SNX8: variants seen among roughly 807,000 people sequenced by gnomAD.
The protein encoded by SNX8 is sorting nexin 8, also known as sorting nexin-8.
SNX8 carries 25 observed loss-of-function variants against 51.6 expected under a neutral mutation model. That is an observed-to-expected ratio of 0.48 (90% CI 0.35 to 0.68). The LOEUF (loss-of-function observed/expected upper bound fraction) is 0.68. Among genes scored for constraint, SNX8 ranks in the 30% least tolerant of loss-of-function variants. The pLI is 0.00. For missense variants in SNX8, 695 were observed against 624.0 expected (o/e 1.11, Z -1.21); for synonymous variants, 324 against 277.0 (o/e 1.17, Z -1.68).
At chr7:2,313,101 G>C (rs967295680) in intron 1 of SNX8, among the ~76,000 whole-genome samples, 1 of 151,610 alleles carries the variant, frequency 6.6e-6, no homozygotes, top group East Asian at 2.0e-4. Context: ...GGGTTTCACC[G>C]TGTTAGCCAG....
intron 1 of SNX8, 38 bp downstream of exon 1, chr7:2,314,290 C>A (rs1344643574): frequency 1.6e-6 from 2 of 1,218,104 alleles, no homozygotes; most frequent in African/African-American, 1.6e-5. Context: ...GGCCGCGCGC[C>A]CTGGGCAGGT....
intron 1 of SNX8, among the ~76,000 whole-genome samples, chr7:2,342,419 TGAG>T (rs1197722984): frequency 6.6e-6 from 1 of 152,010 alleles, no homozygotes; most frequent in African/African-American, 2.4e-5. Flanking sequence ...TTTGGGGGGC[TGAG>T]GAGGGCGGAT....
chr7:2,277,940 C>T (rs1457718423), intron 2 of SNX8, among the ~76,000 whole-genome samples, 160 bp downstream of exon 2: 1 of 152,108 alleles, frequency 6.6e-6, no homozygotes, highest in African/African-American at 2.4e-5. Context: ...AAGTCACCTC[C>T]GCAGCCTGAC....
chr7:2,319,839 G>T (rs1796806529), intron 1 of SNX8, among the ~76,000 whole-genome samples: 1 of 150,202 alleles, frequency 6.7e-6, no homozygotes, highest in Admixed American at 6.7e-5. Flanking sequence ...AATTAGCTGG[G>T]TGTGGTGGCG....
At chr7:2,288,891 A>T (rs1454660444) in intron 1 of SNX8, among the ~76,000 whole-genome samples, 1 of 152,026 alleles carries the variant, frequency 6.6e-6, no homozygotes. Flanking sequence ...ACATGCCACC[A>T]CACCCAGCTA....
At position 2,353,328 on chromosome 7, in the gene SNX8, C is replaced by T. The variant is rs367995142; in HGVS notation, c.-66+894G>A. Among the ~76,000 whole-genome samples, 11 of 152,084 alleles carry T rather than the reference C, an allele frequency of 7.2e-5. No homozygotes were observed. In the East Asian group the frequency reaches 1.9e-3, roughly 27 times the overall value. Reference sequence around the variant, plus strand: ...TGAGGCTGGAAGGTCCCGATTGCAGCGGCGCTGTGATTATGCCACCGCACT... The same window carrying T: ...TGAGGCTGGAAGGTCCCGATTGCAGTGGCGCTGTGATTATGCCACCGCACT... On this transcript the variant is annotated intron_variant, in intron 1 of 5. Coordinates refer to the SNX8 transcript ENST00000435336.
At chr7:2,295,820 C>T (rs1197124523) in intron 1 of SNX8, among the ~76,000 whole-genome samples, 2 of 152,086 alleles carry the variant, frequency 1.3e-5, no homozygotes, top group South Asian at 2.1e-4. Context: ...ATTTTCCTAG[C>T]GCCACTTATT....
chr7:2,261,033 C>A (rs922032501), intron 7 of SNX8, among the ~76,000 whole-genome samples: 2 of 152,240 alleles, frequency 1.3e-5, no homozygotes, highest in African/African-American at 4.8e-5. Flanking sequence ...CAACAGCCAC[C>A]TGCTGAAGAG....
intron 4 of SNX8, 138 bp downstream of exon 4, chr7:2,271,712 T>C (rs1043824410): frequency 2.1e-6 from 2 of 948,148 alleles, no homozygotes; most frequent in Non-Finnish European, 3.1e-6. Context: ...AGGAAAGAAG[T>C]CTTGTCCATG....
chr7:2,277,786 G>A (rs1243197586), intron 2 of SNX8, among the ~76,000 whole-genome samples: 4 of 150,840 alleles, frequency 2.7e-5, no homozygotes, highest in Non-Finnish European at 5.9e-5. Flanking sequence ...CAGCCTGGGC[G>A]ACAGAGCAAG....
At chr7:2,312,734 C>A (rs895373240) in intron 1 of SNX8, among the ~76,000 whole-genome samples, 13 of 151,600 alleles carry the variant, frequency 8.6e-5, no homozygotes, top group African/African-American at 2.9e-4. Flanking sequence ...GACCTCCCCA[C>A]AAGGGGATTC....
At chr7:2,278,374 T>A (rs1795833515) in intron 1 of SNX8, 69 bp from the exon 2 acceptor site, 1 of 997,218 alleles carries the variant, frequency 1.0e-6, no homozygotes, top group South Asian at 1.6e-5. Context: ...CTGGGCACAG[T>A]GGCGCAGCCC....
intron 1 of SNX8, among the ~76,000 whole-genome samples, chr7:2,344,350 A>G (rs1778984295): frequency 6.6e-6 from 1 of 151,934 alleles, no homozygotes; most frequent in East Asian, 1.9e-4. Flanking sequence ...AGTGGCTCAC[A>G]CCTGTAATCC....
intron 1 of SNX8, among the ~76,000 whole-genome samples, chr7:2,304,536 T>G (rs1796504058): frequency 6.7e-6 from 1 of 149,620 alleles, no homozygotes; most frequent in African/African-American, 2.5e-5. Context: ...AGAGCGAGAC[T>G]CCATCTCAAA....
At chr7:2,259,366 C>T (rs1419250232) in intron 7 of SNX8, among the ~76,000 whole-genome samples, 1 of 152,218 alleles carries the variant, frequency 6.6e-6, no homozygotes, top group Non-Finnish European at 1.5e-5. Context: ...CTGAGCACCT[C>T]GGGGAGACCA....
chr7:2,293,702 C>G (rs923815573), intron 1 of SNX8, among the ~76,000 whole-genome samples: 1 of 151,636 alleles, frequency 6.6e-6, no homozygotes, highest in Non-Finnish European at 1.5e-5. Context: ...TGGTGGCTCA[C>G]GCCTGTAATC....
At chr7:2,289,968 G>C (rs542358803) in intron 1 of SNX8, among the ~76,000 whole-genome samples, 2 of 152,142 alleles carry the variant, frequency 1.3e-5, no homozygotes, top group African/African-American at 4.8e-5. Context: ...TGAGGCGGGT[G>C]GATCACCTGA....
chr7:2,287,824 C>G (rs1796066381), intron 1 of SNX8: 1 of 152,054 alleles, frequency 6.6e-6, no homozygotes, highest in African/African-American at 2.4e-5. Flanking sequence ...GTGGCTCATG[C>G]CTGTAATCCC....
rs115875957 is a variant in SNX8 at position 2,348,297 on chromosome 7, G to A, written c.-66+5925C>T. 8.6e-3 allele frequency among the ~76,000 whole-genome samples: 1,306 copies of A among 151,390 alleles called. 14 individuals are homozygous for A. The highest frequency in any genetic ancestry group is 0.03 in the African/African-American group (1,242 of 41,260). On this transcript the variant is annotated intron_variant, in intron 1 of 5. Transcript: ENST00000435336. ...CGCTCCACCCAGGAAGGACAAGGCA[G>A]AGGCTCTGGCGAGTACAGTATCTTT... is the stretch of plus-strand genomic sequence containing the variant.
Sources: allele counts gnomAD v4.1 joint callset (sites outside exome capture counted in the v4.1 genomes callset), GRCh38; gene constraint gnomAD v4.1.1; transcripts MANE v1.5; gene names NCBI Gene and HGNC (gene_info 2026-07-23, HGNC 2026-07-21).